Variants in LARGE1 observed in about 807,000 individuals in gnomAD.
The protein encoded by LARGE1 is LARGE xylosyl- and glucuronyltransferase 1.
LARGE1 carries 43 observed loss-of-function variants against 87.6 expected under a neutral mutation model. That is an observed-to-expected ratio of 0.49 (90% CI 0.38 to 0.63). LARGE1 has a LOEUF of 0.63. Among genes scored for constraint, LARGE1 ranks in the 30% least tolerant of loss-of-function variants. LARGE1 has a pLI of 0.00. For synonymous variants in LARGE1, 434 were observed against 394.6 expected (o/e 1.10, Z -1.18); for missense variants, 802 against 1,000.2 (o/e 0.80, Z 2.67).
chr22:33,428,596 A>G (rs1383497149), intron 7 of LARGE1, among the ~76,000 whole-genome samples: 1 of 135,954 alleles, frequency 7.4e-6, no homozygotes, highest in African/African-American at 2.8e-5. Context: ...TACAGGCGTG[A>G]GCCACCGTGC....
intron 1 of LARGE1, among the ~76,000 whole-genome samples, chr22:33,901,041 C>G (rs1569022710): frequency 1.3e-5 from 2 of 152,014 alleles, no homozygotes; most frequent in Non-Finnish European, 1.5e-5. Flanking sequence ...TAGTGAAACT[C>G]TGTCTCAGAA....
intron 6 of LARGE1, among the ~76,000 whole-genome samples, chr22:33,454,522 G>T (rs1246394072): frequency 6.6e-6 from 1 of 151,586 alleles, no homozygotes; most frequent in Non-Finnish European, 1.5e-5. Flanking sequence ...GGGAAGCTAA[G>T]GCAGGGGAAT....
intron 2 of LARGE1, among the ~76,000 whole-genome samples, chr22:33,719,478 C>T (rs1206582704): frequency 6.6e-6 from 1 of 151,632 alleles, no homozygotes; most frequent in African/African-American, 2.4e-5. Context: ...GTGCCCTATA[C>T]AGGTATGCCA....
chr22:33,814,054 A>G (rs574812819), intron 1 of LARGE1, among the ~76,000 whole-genome samples: 63 of 152,218 alleles, frequency 4.1e-4, no homozygotes, highest in Non-Finnish European at 8.5e-4. Flanking sequence ...GGGAAGAAAG[A>G]CATGCTGAGG....
At chr22:33,081,083 T>C in the LARGE1 span, among the ~76,000 whole-genome samples, 6 of 152,180 alleles carry the variant, frequency 3.9e-5, no homozygotes, top group Non-Finnish European at 8.8e-5. Flanking sequence ...GTGTGAGGTA[T>C]GTGGACATAG....
At chr22:33,157,326 T>A (rs560302030), downstream of LARGE1, among the ~76,000 whole-genome samples, 56 of 152,358 alleles carry the variant, frequency 3.7e-4, no homozygotes, top group African/African-American at 1.3e-3. Flanking sequence ...TTAACCCATG[T>A]GAGCTTTCAA....
intron 1 of LARGE1, among the ~76,000 whole-genome samples, chr22:33,799,843 A>C (rs1480060745): frequency 1.3e-5 from 2 of 152,150 alleles, no homozygotes; most frequent in African/African-American, 4.8e-5. Flanking sequence ...GGTTCAGGGG[A>C]GAATGAAAAT....
intron 11 of LARGE1, among the ~76,000 whole-genome samples, chr22:33,314,488 G>T (rs1215641216): frequency 6.6e-6 from 1 of 152,120 alleles, no homozygotes; most frequent in Non-Finnish European, 1.5e-5. Flanking sequence ...TTTGCATCCA[G>T]GTGTTTGTTC....
At chr22:33,085,014 A>G in the LARGE1 span, among the ~76,000 whole-genome samples, 4 of 152,234 alleles carry the variant, frequency 2.6e-5, no homozygotes, top group Non-Finnish European at 5.9e-5. Context: ...AGTGGCTCAC[A>G]CCTGTAATCC....
intron 3 of LARGE1, among the ~76,000 whole-genome samples, chr22:33,627,458 C>T (rs967914571): frequency 8.5e-5 from 13 of 152,196 alleles, no homozygotes; most frequent in Admixed American, 3.3e-4. Context: ...AGAACAATGA[C>T]GTTTCCTCCA....
intron 2 of LARGE1, among the ~76,000 whole-genome samples, chr22:33,749,366 G>A (rs765733077): frequency 6.6e-6 from 1 of 152,302 alleles, no homozygotes; most frequent in East Asian, 1.9e-4. Flanking sequence ...GCCCTCCTCA[G>A]CCTCCCAAAG....
chr22:33,495,005 C>T (rs914364261), intron 6 of LARGE1, among the ~76,000 whole-genome samples: 2 of 152,178 alleles, frequency 1.3e-5, no homozygotes, highest in African/African-American at 4.8e-5. Context: ...CAGTCTGGAA[C>T]TGTGGCTGAT....
At chr22:33,691,293 G>T (rs996503102) in intron 2 of LARGE1, among the ~76,000 whole-genome samples, 35 of 151,968 alleles carry the variant, frequency 2.3e-4, no homozygotes, top group African/African-American at 8.5e-4. Context: ...GGGAGGAGGA[G>T]AAGAGGCTTA....
In LARGE1 at chr22:33,650,666, C is replaced by T. The variant is rs760530978; in HGVS notation, c.109G>A (p.Gly37Arg). The change falls in exon 3 of 15, where the codon GGA becomes AGA. Residue 37 changes from glycine to arginine, a missense_variant and splice_region_variant. Physicochemically the swap from Gly to Arg is moderately radical, Grantham distance 125. Coordinates refer to ENST00000397394, the MANE Select transcript of LARGE1 (RefSeq NM_133642.5). Reference sequence around the variant, plus strand: ...AGCGGTGACAGAGACACGGGCTTTCCATCTGGGGAGCGAAACACCAGGGAA... The same window carrying T: ...AGCGGTGACAGAGACACGGGCTTTCTATCTGGGGAGCGAAACACCAGGGAA... ...IYLFSGSFED[G>R]KPVSLSPLES... 1.3e-6 allele frequency: 2 copies of T among 1,599,762 alleles called. No homozygotes were observed. The highest frequency in any genetic ancestry group is 1.1e-5 in the South Asian group (1 of 91,014).
chr22:33,258,390 G>T (rs1439169291), intron 11 of LARGE1, among the ~76,000 whole-genome samples: 1 of 152,174 alleles, frequency 6.6e-6, no homozygotes, highest in African/African-American at 2.4e-5. Context: ...TGCCTGAGAG[G>T]TTGCTGGGTA....
At chr22:33,808,530 A>C (rs62227774) in intron 1 of LARGE1, among the ~76,000 whole-genome samples, 10,907 of 152,118 alleles carry the variant, frequency 0.072, 514 homozygotes, top group Admixed American at 0.11. Flanking sequence ...AGTAATATGC[A>C]AATGAAATCA....
chr22:33,650,905 C>A lies in LARGE1; in HGVS notation c.107-237G>T, dbSNP rs555681524. Among the ~76,000 whole-genome samples, 8 of 152,176 alleles carry A rather than the reference C, an allele frequency of 5.3e-5. No individual in the cohort carries two copies. The East Asian group carries it at 1.5e-3, about 29-fold the overall frequency. Reference sequence around the variant, plus strand: ...TAATATGCCTTTTAGAGAAGGCAATCATAATAAAATTGTTTCTAATTAAAT... The same window carrying A: ...TAATATGCCTTTTAGAGAAGGCAATAATAATAAAATTGTTTCTAATTAAAT... On this transcript the variant is annotated intron_variant, in intron 2 of 14. Transcript: ENST00000397394.
chr22:33,318,586 G>A (rs1213020002), intron 10 of LARGE1, among the ~76,000 whole-genome samples: 1 of 152,040 alleles, frequency 6.6e-6, no homozygotes, highest in Non-Finnish European at 1.5e-5. Flanking sequence ...ATCACACACC[G>A]GGGCCTGTTG....
intron 8 of LARGE1, among the ~76,000 whole-genome samples, chr22:33,383,312 C>T (rs1285577399): frequency 2.0e-5 from 3 of 152,158 alleles, no homozygotes; most frequent in Admixed American, 2.0e-4. Flanking sequence ...GTAATCCCAG[C>T]ACTTTGGGAG....
Sources: gnomAD v4.1 joint callset for allele counts (sites outside exome capture counted in the v4.1 genomes callset) on GRCh38, gnomAD v4.1.1 for gene constraint, MANE v1.5 for transcripts, NCBI Gene and HGNC (gene_info 2026-07-23, HGNC 2026-07-21) for gene names.